LRRC4C: variants seen among roughly 807,000 people sequenced by gnomAD.
The protein encoded by LRRC4C is leucine-rich repeat-containing protein 4C.
LRRC4C carries 5 observed loss-of-function variants against 33.6 expected under a neutral mutation model. That is an observed-to-expected ratio of 0.15 (90% CI 0.08 to 0.31). The LOEUF (loss-of-function observed/expected upper bound fraction) is 0.31. LRRC4C is among the 10% of genes least tolerant of loss of function. The probability of loss-of-function intolerance (pLI) is 1.00; values close to 1 mark genes in which losing one functional copy is unlikely to be tolerated. For missense variants in LRRC4C, 560 were observed against 796.7 expected, an observed-to-expected ratio of 0.70 and a Z score of 3.58; for synonymous variants, 329 against 302.0, an observed-to-expected ratio of 1.09 and a Z score of -0.93.
At chr11:40,486,313 T>C (rs1460138371) in intron 3 of LRRC4C, among the ~76,000 whole-genome samples, 6 of 151,936 alleles carry the variant, frequency 3.9e-5, no homozygotes, top group African/African-American at 9.7e-5. Flanking sequence ...TCCAAACTTA[T>C]AGGGGAAAAA....
chr11:41,407,860 AT>A, intron 1 of LRRC4C, among the ~76,000 whole-genome samples: 1 of 152,302 alleles, frequency 6.6e-6, no homozygotes, highest in South Asian at 2.1e-4. Context: ...GATATATGGC[AT>A]CAAGTGAAAC....
At chr11:41,381,805 T>A (rs560223568) in intron 1 of LRRC4C, among the ~76,000 whole-genome samples, 1 of 151,614 alleles carries the variant, frequency 6.6e-6, no homozygotes, top group Non-Finnish European at 1.5e-5. Context: ...TGAAAAGGCA[T>A]CAAGTAGAGC....
chr11:41,175,720 C>T (rs545103299), intron 1 of LRRC4C, among the ~76,000 whole-genome samples: 2 of 152,274 alleles, frequency 1.3e-5, no homozygotes, highest in Non-Finnish European at 2.9e-5. Flanking sequence ...ATTACTGTAG[C>T]AGTAAAATGT....
intron 5 of LRRC4C, among the ~76,000 whole-genome samples, chr11:40,180,907 G>T (rs2135517462): frequency 6.6e-6 from 1 of 152,298 alleles, no homozygotes; most frequent in African/African-American, 2.4e-5. Flanking sequence ...CAGCTGAAGA[G>T]TTGAACTGGA....
intron 3 of LRRC4C, among the ~76,000 whole-genome samples, chr11:40,363,109 A>AT: frequency 6.6e-6 from 1 of 152,188 alleles, no homozygotes; most frequent in East Asian, 1.9e-4. Flanking sequence ...ATGCATGCAT[A>AT]TGTTCATTGC....
chr11:40,796,103 C>T (rs1950814423), intron 2 of LRRC4C, among the ~76,000 whole-genome samples: 1 of 152,062 alleles, frequency 6.6e-6, no homozygotes, highest in South Asian at 2.1e-4. Context: ...TGGTATTATA[C>T]CCAGGTTTTG....
chr11:40,791,255 A>G (rs190166005), intron 2 of LRRC4C, among the ~76,000 whole-genome samples: 3 of 152,318 alleles, frequency 2.0e-5, no homozygotes, highest in Admixed American at 2.0e-4. Flanking sequence ...ATGGTGTTGC[A>G]AATAAACTCT....
chr11:41,050,312 G>A (rs1172516559), intron 1 of LRRC4C, among the ~76,000 whole-genome samples: 1 of 152,102 alleles, frequency 6.6e-6, no homozygotes, highest in Non-Finnish European at 1.5e-5. Context: ...GAGAGTTGAT[G>A]AAAAAGTACA....
chr11:41,417,215 G>A (rs556082572), intron 1 of LRRC4C, among the ~76,000 whole-genome samples: 19 of 152,038 alleles, frequency 1.2e-4, no homozygotes, highest in Admixed American at 3.3e-4. Flanking sequence ...CTTAATGCCC[G>A]GAAATAGGAT....
At chr11:40,855,432 A>G (rs1256094908) in intron 2 of LRRC4C, among the ~76,000 whole-genome samples, 2 of 152,326 alleles carry the variant, frequency 1.3e-5, no homozygotes, top group East Asian at 1.9e-4. Flanking sequence ...ATAACGCCAT[A>G]TTAATCAACT....
At chr11:40,568,416 G>A (rs1400079234) in intron 3 of LRRC4C, among the ~76,000 whole-genome samples, 2 of 152,234 alleles carry the variant, frequency 1.3e-5, no homozygotes, top group East Asian at 3.8e-4. Context: ...TGGGCCGGAA[G>A]AGCCAGCTTA....
intron 2 of LRRC4C, among the ~76,000 whole-genome samples, chr11:40,746,220 C>G (rs1434636960): frequency 6.6e-6 from 1 of 152,152 alleles, no homozygotes. Context: ...GGCCCTAAAA[C>G]TAACACTAGG....
In LRRC4C at chr11:40,822,869, A is replaced by C. The variant is rs184298327; in HGVS notation, c.-407+110766T>G. Among the ~76,000 whole-genome samples the C allele has an allele frequency of 2.3e-3, 346 of 151,836 alleles. 2 individuals carry two copies. Among genetic ancestry groups the C allele is most frequent in the African/African-American group, 8.0e-3 (334 of 41,494 alleles). ...TGTATATAGTGAGAGATAGGGGTTT[A>C]GTTTAATTTTTCCTGTATATAGATC... On this transcript the variant is annotated intron_variant, in intron 2 of 6. Coordinates refer to ENST00000528697, the MANE Select transcript of LRRC4C (RefSeq NM_001258419.2).
chr11:41,158,319 T>C (rs975094122), intron 1 of LRRC4C, among the ~76,000 whole-genome samples: 7 of 152,004 alleles, frequency 4.6e-5, no homozygotes, highest in Non-Finnish European at 1.0e-4. Flanking sequence ...ACTGGAAGGT[T>C]TTTCAAAGAT....
At chr11:41,069,527 T>A (rs549076013) in intron 1 of LRRC4C, among the ~76,000 whole-genome samples, 1 of 152,218 alleles carries the variant, frequency 6.6e-6, no homozygotes, top group Non-Finnish European at 1.5e-5. Context: ...CCACATCACC[T>A]CAACACAAAA....
At chr11:41,266,954 C>T (rs1949170003) in intron 1 of LRRC4C, among the ~76,000 whole-genome samples, 1 of 152,082 alleles carries the variant, frequency 6.6e-6, no homozygotes, top group African/African-American at 2.4e-5. Context: ...TCTGCACAAC[C>T]GTGTTAAGTG....
intron 2 of LRRC4C, among the ~76,000 whole-genome samples, chr11:40,730,017 A>G (rs1467651010): frequency 6.6e-6 from 1 of 151,692 alleles, no homozygotes. Context: ...AAAAAACCAA[A>G]CACCGCATAT....
intron 3 of LRRC4C, among the ~76,000 whole-genome samples, chr11:40,579,144 C>A (rs1483310184): frequency 6.6e-6 from 1 of 152,022 alleles, no homozygotes; most frequent in African/African-American, 2.4e-5. Flanking sequence ...TCAAGACAGC[C>A]TGGACAACAT....
At chr11:40,464,171 G>C (rs1385759114) in intron 3 of LRRC4C, among the ~76,000 whole-genome samples, 1 of 151,934 alleles carries the variant, frequency 6.6e-6, no homozygotes, top group African/African-American at 2.4e-5. Context: ...GGATGCAATG[G>C]TATTTCATAC....
Sources: gnomAD v4.1 joint callset for allele counts (sites outside exome capture counted in the v4.1 genomes callset) on GRCh38, gnomAD v4.1.1 for gene constraint, MANE v1.5 for transcripts, NCBI Gene and HGNC (gene_info 2026-07-23, HGNC 2026-07-21) for gene names.